LSAMP: variants seen among roughly 807,000 people sequenced by gnomAD.
The protein encoded by LSAMP is limbic system associated membrane protein.
In LSAMP, 7 loss-of-function variants were observed where a neutral mutation model predicts 38.6. That is an observed-to-expected ratio of 0.18 (90% CI 0.10 to 0.34). The LOEUF (loss-of-function observed/expected upper bound fraction) is 0.34, where lower values mean the gene tolerates loss of function less well. Among genes scored for constraint, LSAMP ranks in the 10% least tolerant of loss-of-function variants. The pLI, the probability that LSAMP is intolerant of heterozygous loss-of-function variation, is 1.00. For missense variants in LSAMP, 313 were observed against 420.0 expected (o/e 0.75, Z 2.23); for synonymous variants, 154 against 166.8 (o/e 0.92, Z 0.59).
intron 3 of LSAMP, among the ~76,000 whole-genome samples, chr3:115,910,604 C>A (rs1279917532): frequency 1.3e-5 from 2 of 152,088 alleles, no homozygotes; most frequent in African/African-American, 4.8e-5. Flanking sequence ...ATTTAAAAAG[C>A]ATATATTGAG....
intron 1 of LSAMP, among the ~76,000 whole-genome samples, chr3:116,427,183 C>T (rs1034372848): frequency 1.4e-5 from 2 of 139,210 alleles, no homozygotes; most frequent in African/African-American, 5.3e-5. Context: ...TGCAGTGGCG[C>T]AATCTCGGCT....
At chr3:116,181,277 G>C (rs2107569297) in intron 1 of LSAMP, among the ~76,000 whole-genome samples, 1 of 152,032 alleles carries the variant, frequency 6.6e-6, no homozygotes, top group Admixed American at 6.6e-5. Flanking sequence ...AACACCTTTA[G>C]TTGAGTCATT....
intron 1 of LSAMP, among the ~76,000 whole-genome samples, chr3:116,134,730 T>C (rs568612817): frequency 1.6e-4 from 24 of 152,308 alleles, no homozygotes; most frequent in African/African-American, 5.8e-4. Context: ...TCTTTCACAT[T>C]ACCCTGTTTT....
rs1489821472 is a variant in LSAMP at position 115,802,490 on chromosome 3, A to C, written c.*7827T>G. On this transcript the variant is annotated 3_prime_UTR_variant, in exon 7 of 7. Coordinates refer to ENST00000490035, the MANE Select transcript of LSAMP (RefSeq NM_002338.5). Reference sequence around the variant, plus strand: ...AAACAGAATTTAAATACATTTAAAAAGAAAAGAAAAAAAGCTTTTTTTCAT... The same window carrying C: ...AAACAGAATTTAAATACATTTAAAACGAAAAGAAAAAAAGCTTTTTTTCAT... The C allele has an allele frequency of 2.0e-5, 3 of 151,476 alleles. No homozygotes were observed. Among genetic ancestry groups the C allele is most frequent in the Non-Finnish European group, 4.4e-5 (3 of 67,928 alleles). 9.4% of individuals were successfully genotyped at this position (151,476 alleles called of 1,614,324 possible).
chr3:115,939,585 T>TTTCTTTCTTTCTCTTTCTTTC (rs58450242), intron 3 of LSAMP, among the ~76,000 whole-genome samples: 2 of 150,214 alleles, frequency 1.3e-5, no homozygotes, highest in Admixed American at 6.7e-5. Context: ...TCTTTCTTTC[T>TTTCTTTCTTTCTCTTTCTTTC]GTTAAGAGAC....
At chr3:116,211,944 T>C (rs1227325229) in intron 1 of LSAMP, among the ~76,000 whole-genome samples, 1 of 152,188 alleles carries the variant, frequency 6.6e-6, no homozygotes, top group Non-Finnish European at 1.5e-5. Flanking sequence ...CAAGCTTCCA[T>C]GGGGAAGCTT....
intron 1 of LSAMP, among the ~76,000 whole-genome samples, chr3:116,272,890 C>CTAT (rs1226061913): frequency 6.6e-6 from 1 of 152,034 alleles, no homozygotes; most frequent in Non-Finnish European, 1.5e-5. Context: ...GTTTTGTTTT[C>CTAT]TATTCTTTTA....
intron 6 of LSAMP, 100 bp from the exon 7 acceptor site, chr3:115,810,514 G>A: frequency 1.3e-6 from 1 of 783,582 alleles, no homozygotes; most frequent in Non-Finnish European, 2.2e-6. Flanking sequence ...GACCTGGCCA[G>A]GTACTAGCAT....
At chr3:116,121,209 T>C (rs954803284) in intron 1 of LSAMP, among the ~76,000 whole-genome samples, 1 of 152,206 alleles carries the variant, frequency 6.6e-6, no homozygotes, top group Non-Finnish European at 1.5e-5. Flanking sequence ...ACTAAAATAC[T>C]GCATTCTTGC....
intron 1 of LSAMP, among the ~76,000 whole-genome samples, chr3:116,424,827 G>A (rs1031048889): frequency 3.9e-5 from 6 of 152,086 alleles, no homozygotes; most frequent in Non-Finnish European, 5.9e-5. Flanking sequence ...AAAACTTTGG[G>A]AGTGTGCCAT....
chr3:116,272,078 CTT>C (rs994852328), intron 1 of LSAMP, among the ~76,000 whole-genome samples: 2 of 151,914 alleles, frequency 1.3e-5, no homozygotes, highest in Admixed American at 6.6e-5. Flanking sequence ...CTTTTTATCT[CTT>C]TGTCTTTGGA....
At chr3:116,027,685 G>A (rs781277686) in intron 2 of LSAMP, among the ~76,000 whole-genome samples, 2 of 152,054 alleles carry the variant, frequency 1.3e-5, no homozygotes, top group Non-Finnish European at 2.9e-5. Flanking sequence ...TGTCAGTTTG[G>A]TTGCTTTAAA....
At chr3:115,940,209 A>G (rs1237126275) in intron 3 of LSAMP, among the ~76,000 whole-genome samples, 1 of 152,116 alleles carries the variant, frequency 6.6e-6, no homozygotes, top group Non-Finnish European at 1.5e-5. Flanking sequence ...ATTTATTGTG[A>G]AGAGCAAAAG....
At chr3:115,997,751 T>TATATATATAC (rs1457895117) in intron 3 of LSAMP, among the ~76,000 whole-genome samples, 3 of 131,292 alleles carry the variant, frequency 2.3e-5, no homozygotes, top group East Asian at 4.5e-4. Context: ...TATATATATA[T>TATATATATAC]ATACACACAC....
intron 1 of LSAMP, among the ~76,000 whole-genome samples, chr3:116,099,652 A>G (rs185943146): frequency 2.0e-5 from 3 of 152,258 alleles, no homozygotes; most frequent in African/African-American, 7.2e-5. Flanking sequence ...GTCACATCCA[A>G]TGAATTTATC....
At chr3:115,989,324 A>G (rs1939601855) in intron 3 of LSAMP, among the ~76,000 whole-genome samples, 1 of 152,144 alleles carries the variant, frequency 6.6e-6, no homozygotes, top group African/African-American at 2.4e-5. Flanking sequence ...GGGACTTTTT[A>G]AAAGAAGATA....
At chr3:116,335,486 A>G (rs1230098429) in intron 1 of LSAMP, among the ~76,000 whole-genome samples, 1 of 152,118 alleles carries the variant, frequency 6.6e-6, no homozygotes, top group African/African-American at 2.4e-5. Context: ...TACAGTAATC[A>G]AGAGTGTGGC....
intron 1 of LSAMP, among the ~76,000 whole-genome samples, chr3:116,357,692 T>C (rs1576158523): frequency 6.6e-6 from 1 of 152,152 alleles, no homozygotes; most frequent in South Asian, 2.1e-4. Context: ...ACATTTTATA[T>C]ATATGCTGCA....
intron 1 of LSAMP, among the ~76,000 whole-genome samples, chr3:116,134,068 C>T (rs1334992422): frequency 6.6e-6 from 1 of 152,016 alleles, no homozygotes; most frequent in African/African-American, 2.4e-5. Context: ...ACAGCATTAC[C>T]TAGAATAAAA....
Sources: allele counts gnomAD v4.1 joint callset (sites outside exome capture counted in the v4.1 genomes callset), GRCh38; gene constraint gnomAD v4.1.1; transcripts MANE v1.5; gene names NCBI Gene and HGNC (gene_info 2026-07-23, HGNC 2026-07-21).